The following ROBO2 variants were observed in gnomAD, a reference collection of about 807,000 sequenced individuals.
ROBO2 encodes roundabout guidance receptor 2.
ROBO2 carries 53 observed loss-of-function variants against 160.8 expected under a neutral mutation model. The observed-to-expected ratio is 0.33, with a 90% confidence interval of 0.26 to 0.41. The LOEUF (loss-of-function observed/expected upper bound fraction) is 0.41. Among genes scored for constraint, ROBO2 ranks in the 10% least tolerant of loss-of-function variants. The probability of loss-of-function intolerance (pLI) is 1.00; values close to 1 mark genes in which losing one functional copy is unlikely to be tolerated. For missense variants in ROBO2, 1,577 were observed against 1,722.4 expected (o/e 0.92, Z 1.49); for synonymous variants, 664 against 611.7 (o/e 1.09, Z -1.26).
At chr3:77,599,176 T>C (rs958324760) in intron 19 of ROBO2, among the ~76,000 whole-genome samples, 3 of 152,214 alleles carry the variant, frequency 2.0e-5, no homozygotes, top group Non-Finnish European at 4.4e-5. Flanking sequence ...ATTTACTATG[T>C]GCCAGAAATA....
At position 77,608,058 on chromosome 3, in the gene ROBO2, C is replaced by T. The variant is rs371796480; in HGVS notation, c.3293+104C>T. On this transcript the variant is annotated intron_variant, in intron 21 of 25. Coordinates refer to ENST00000461745, the Ensembl canonical transcript of ROBO2. ...GTTCTCTCACTGTTTCCTTTGCCCCCCACCACCATGTTCATTGCATTTCCC... is the reference window on the plus strand; with the variant it reads ...GTTCTCTCACTGTTTCCTTTGCCCCTCACCACCATGTTCATTGCATTTCCC... 1.5e-4 allele frequency: 156 copies of T among 1,063,640 alleles called. 1 individual carries two copies. In the East Asian group the frequency reaches 3.3e-3, roughly 22 times the overall value. The allele number at this position is 1,063,640 out of a possible 1,614,324, so 65.9% of individuals were successfully genotyped here.
intron 2 of ROBO2, among the ~76,000 whole-genome samples, chr3:76,723,981 A>G (rs1167344404): frequency 1.3e-5 from 2 of 152,188 alleles, no homozygotes; most frequent in African/African-American, 4.8e-5. Context: ...ATGGCCGTCT[A>G]GATTCTCTTG....
chr3:76,159,773 T>A (rs189084572), intron 2 of ROBO2, among the ~76,000 whole-genome samples: 1 of 152,306 alleles, frequency 6.6e-6, no homozygotes, highest in Non-Finnish European at 1.5e-5. Flanking sequence ...AGTTCTTTAG[T>A]CCATCCCTAA....
chr3:77,385,336 G>A (rs2073988984), intron 2 of ROBO2, among the ~76,000 whole-genome samples: 1 of 152,106 alleles, frequency 6.6e-6, no homozygotes, highest in South Asian at 2.1e-4. Flanking sequence ...GCCCAAATAT[G>A]GAGTTTATTT....
intron 2 of ROBO2, among the ~76,000 whole-genome samples, chr3:76,222,204 A>G (rs1427482860): frequency 6.6e-6 from 1 of 152,116 alleles, no homozygotes; most frequent in Non-Finnish European, 1.5e-5. Context: ...ACCAGTGGCA[A>G]ATTGGTATGG....
chr3:77,459,933 G>A (rs1582130572), intron 2 of ROBO2, among the ~76,000 whole-genome samples: 1 of 141,814 alleles, frequency 7.1e-6, no homozygotes, highest in African/African-American at 2.5e-5. Flanking sequence ...AAATGTGATG[G>A]GGGTGGTGGA....
intron 2 of ROBO2, among the ~76,000 whole-genome samples, chr3:76,752,294 G>A (rs1012700900): frequency 1.1e-4 from 16 of 151,838 alleles, no homozygotes; most frequent in Non-Finnish European, 1.5e-4. Flanking sequence ...GTAGTGGGGT[G>A]GGGGTAGGGG....
chr3:77,349,540 A>G (rs1301443538), intron 2 of ROBO2, among the ~76,000 whole-genome samples: 1 of 152,220 alleles, frequency 6.6e-6, no homozygotes, highest in African/African-American at 2.4e-5. Context: ...AATGCTTTTA[A>G]GCCAAAGGGA....
chr3:76,761,911 T>C (rs894789329), intron 2 of ROBO2, among the ~76,000 whole-genome samples: 9 of 151,758 alleles, frequency 5.9e-5, no homozygotes, highest in African/African-American at 1.9e-4. Flanking sequence ...CCCAGTTCAG[T>C]GTTTGATAGA....
chr3:76,904,039 A>G (rs894334475), intron 2 of ROBO2, among the ~76,000 whole-genome samples: 22 of 152,336 alleles, frequency 1.4e-4, no homozygotes, highest in African/African-American at 5.0e-4. Flanking sequence ...CAAAAAAAGT[A>G]CATGAAAAAC....
chr3:77,101,004 G>A (rs749865328), intron 2 of ROBO2, among the ~76,000 whole-genome samples: 7 of 152,176 alleles, frequency 4.6e-5, no homozygotes, highest in Non-Finnish European at 1.0e-4. Context: ...TGGATATGAG[G>A]TTGAGAGCAG....
rs1393189434 is a variant in ROBO2 at position 76,602,149 on chromosome 3, GC to G, written c.110-495864del. On this transcript the variant is annotated intron_variant, in intron 2 of 26. Transcript: ENST00000487694. ...ACCTTATTGTTCATATCACTATCAG[GC>G]TTTTGGTCAAAGCCATTCAACAAGT... is the stretch of plus-strand genomic sequence containing the variant. 2.0e-5 allele frequency among the ~76,000 whole-genome samples: 3 copies of G among 152,118 alleles called. No homozygotes were observed. In the South Asian group the frequency reaches 6.2e-4, roughly 32 times the overall value.
intron 2 of ROBO2, among the ~76,000 whole-genome samples, chr3:76,887,313 T>A (rs1293093683): frequency 6.6e-6 from 1 of 151,418 alleles, no homozygotes; most frequent in African/African-American, 2.4e-5. Flanking sequence ...ATTTTATTGA[T>A]TCTCTGTTTT....
At chr3:76,174,370 A>G (rs2073151034) in intron 2 of ROBO2, among the ~76,000 whole-genome samples, 1 of 152,172 alleles carries the variant, frequency 6.6e-6, no homozygotes, top group African/African-American at 2.4e-5. Flanking sequence ...TGGTTTAATT[A>G]GATCCCATTT....
chr3:76,461,261 A>G (rs2078070829), intron 2 of ROBO2, among the ~76,000 whole-genome samples: 1 of 152,122 alleles, frequency 6.6e-6, no homozygotes, highest in Non-Finnish European at 1.5e-5. Context: ...GTCAGATCTC[A>G]CAAGATCTCA....
At chr3:77,569,190 T>C (rs890884231) in intron 13 of ROBO2, among the ~76,000 whole-genome samples, 2 of 152,046 alleles carry the variant, frequency 1.3e-5, no homozygotes, top group African/African-American at 2.4e-5. Context: ...TTCAGTAATA[T>C]TGGTAACTCT....
At chr3:76,963,884 A>G (rs1002606736) in intron 2 of ROBO2, among the ~76,000 whole-genome samples, 23 of 151,734 alleles carry the variant, frequency 1.5e-4, no homozygotes, top group Non-Finnish European at 2.8e-4. Context: ...AAGAAAAAGA[A>G]AAAGAAAATG....
chr3:77,424,226 G>A (rs960331325), intron 2 of ROBO2, among the ~76,000 whole-genome samples: 2 of 152,102 alleles, frequency 1.3e-5, no homozygotes, highest in African/African-American at 4.8e-5. Flanking sequence ...AGAAGAACTG[G>A]GATTTAAAAT....
chr3:76,034,887 G>A lies in ROBO2; in HGVS notation c.109+97285G>A, dbSNP rs115237641. Reference sequence around the variant, plus strand: ...TTTCTCAGATTACAGTCTGGGTGAGGCCTGCAAGGCTGCTAGTTCAGCGCT... The same window carrying A: ...TTTCTCAGATTACAGTCTGGGTGAGACCTGCAAGGCTGCTAGTTCAGCGCT... On this transcript the variant is annotated intron_variant, in intron 2 of 26. Transcript: ENST00000487694. 2.4e-3 allele frequency among the ~76,000 whole-genome samples: 363 copies of A among 152,226 alleles called. 6 individuals are homozygous for A. The highest frequency in any genetic ancestry group is 8.4e-3 in the African/African-American group (349 of 41,460).
Sources: allele counts gnomAD v4.1 joint callset (sites outside exome capture counted in the v4.1 genomes callset), GRCh38; gene constraint gnomAD v4.1.1; transcripts MANE v1.5; gene names NCBI Gene and HGNC (gene_info 2026-07-23, HGNC 2026-07-21).